The following TDRD9 variants were observed in gnomAD, a reference collection of about 807,000 sequenced individuals.
TDRD9 encodes the protein ATP-dependent RNA helicase TDRD9.
TDRD9 carries 124 observed loss-of-function variants against 172.6 expected under a neutral mutation model. That is an observed-to-expected ratio of 0.72 (90% CI 0.62 to 0.83). The LOEUF is 0.83. Among genes scored for constraint, TDRD9 ranks in the 40% least tolerant of loss-of-function variants. TDRD9 has a pLI of 0.00. For missense variants in TDRD9, 1,479 were observed against 1,714.1 expected (o/e 0.86, Z 2.42); for synonymous variants, 619 against 617.1 (o/e 1.00, Z -0.05).
At chr14:103,971,604 G>A (rs1049747138) in intron 6 of TDRD9, among the ~76,000 whole-genome samples, 2 of 151,998 alleles carry the variant, frequency 1.3e-5, no homozygotes, top group African/African-American at 4.8e-5. Flanking sequence ...GCACTTGGCC[G>A]GGCTGACTGT....
At chr14:103,975,596 T>A in intron 7 of TDRD9, 43 bp downstream of exon 7, 1 of 1,536,584 alleles carries the variant, frequency 6.5e-7, no homozygotes. Flanking sequence ...AGCGTACTCT[T>A]GTATTGGATC....
At position 104,014,452 on chromosome 14, in the gene TDRD9, T is replaced by C. The variant is rs534754565; in HGVS notation, c.2107-273T>C. 1.5e-4 allele frequency among the ~76,000 whole-genome samples: 23 copies of C among 152,000 alleles called. No individual in the cohort carries two copies. In the South Asian group the frequency reaches 4.8e-3, roughly 32 times the overall value. On this transcript the variant is annotated intron_variant, in intron 20 of 35. Transcript: ENST00000409874. ...GCGCCACCACGCCCAGCTAACTTTGTATTTTTTTTGTAGAGACTGGGTTTC... is the reference window on the plus strand; with the variant it reads ...GCGCCACCACGCCCAGCTAACTTTGCATTTTTTTTGTAGAGACTGGGTTTC...
intron 26 of TDRD9, 124 bp from the exon 27 acceptor site, chr14:104,025,923 T>A: frequency 1.0e-6 from 1 of 970,484 alleles, no homozygotes; most frequent in Non-Finnish European, 1.6e-6. Flanking sequence ...TATGTGGATT[T>A]AAGCTCAGGT....
At chr14:103,957,331 T>C (rs530447773) in intron 2 of TDRD9, among the ~76,000 whole-genome samples, 2 of 152,352 alleles carry the variant, frequency 1.3e-5, no homozygotes, top group Admixed American at 6.5e-5. Flanking sequence ...TCCTTGCTAT[T>C]TCATCAGCCC....
intron 7 of TDRD9, among the ~76,000 whole-genome samples, chr14:103,979,869 C>A (rs1301215197): frequency 1.3e-5 from 2 of 150,856 alleles, no homozygotes; most frequent in Admixed American, 6.7e-5. Context: ...TTTGCATTTT[C>A]TGACTCTTTT....
intron 5 of TDRD9, among the ~76,000 whole-genome samples, chr14:103,969,163 A>G (rs934381994): frequency 7.1e-6 from 1 of 140,716 alleles, no homozygotes; most frequent in South Asian, 2.2e-4. Flanking sequence ...CATTCATTCA[A>G]TAAACTTTTT....
rs1331412440 is a variant in TDRD9 at position 103,999,638 on chromosome 14, T to G, written c.1483+910T>G. On this transcript the variant is annotated intron_variant, in intron 13 of 35. Transcript: ENST00000409874. ...AAGTGGCTTTTTTTTTTGTTTGTTT[T>G]TTAGAAAACCTTTTGGGAAGGGTAG... Among the ~76,000 whole-genome samples, 186 of 127,110 alleles carry G rather than the reference T, an allele frequency of 1.5e-3. 1 individual carries two copies. The highest frequency in any genetic ancestry group is 4.1e-3 in the Middle Eastern group (1 of 242). The allele number at this position is 127,110 out of a possible 152,430, so 83.4% of individuals were successfully genotyped here.
In TDRD9 at chr14:103,952,236, T is replaced by A. The variant is rs1336108692; in HGVS notation, c.216-3428T>A. 1.6e-3 allele frequency among the ~76,000 whole-genome samples: 80 copies of A among 50,632 alleles called. 1 individual carries two copies. Among genetic ancestry groups the A allele is most frequent in the South Asian group, 6.3e-3 (8 of 1,268 alleles). The allele number at this position is 50,632 out of a possible 152,430, so 33.2% of individuals were successfully genotyped here. A position where few individuals can be genotyped will look rare whatever the true frequency, so the allele number is the denominator to read the frequency against. Reference sequence around the variant, plus strand: ...TATATATATATTTTTTTTTTTTTTTTTTTTTTTTTTTTTTTTTTTTTTGAG... The same window carrying A: ...TATATATATATTTTTTTTTTTTTTTATTTTTTTTTTTTTTTTTTTTTTGAG... On this transcript the variant is annotated intron_variant, in intron 1 of 35. Coordinates refer to ENST00000409874, the MANE Select transcript of TDRD9 (RefSeq NM_153046.3).
At chr14:103,935,926 A>C (rs1381816045) in intron 1 of TDRD9, among the ~76,000 whole-genome samples, 1 of 152,122 alleles carries the variant, frequency 6.6e-6, no homozygotes, top group Non-Finnish European at 1.5e-5. Flanking sequence ...ACATAGTAGG[A>C]ACTCAGATAT....
chr14:104,030,873 A>G (rs1306161145), intron 28 of TDRD9, among the ~76,000 whole-genome samples: 1 of 152,150 alleles, frequency 6.6e-6, no homozygotes, highest in Non-Finnish European at 1.5e-5. Flanking sequence ...GATATACCTA[A>G]TGCTAAATGA....
chr14:103,970,468 G>T, intron 5 of TDRD9, 73 bp from the exon 6 acceptor site: 1 of 1,074,740 alleles, frequency 9.3e-7, no homozygotes, highest in South Asian at 1.4e-5. Flanking sequence ...TCCCCCAGTG[G>T]TGCCTTTCTG....
chr14:104,042,039 A>G, intron 33 of TDRD9, 30 bp from the exon 34 acceptor site: 2 of 1,348,766 alleles, frequency 1.5e-6, no homozygotes, highest in South Asian at 2.4e-5. Context: ...ACGGAGCCTT[A>G]TGAGTGTTTA....
At chr14:103,992,500 A>C (rs554333712) in intron 9 of TDRD9, among the ~76,000 whole-genome samples, 1 of 152,222 alleles carries the variant, frequency 6.6e-6, no homozygotes, top group Non-Finnish European at 1.5e-5. Flanking sequence ...TTCTGTGTGC[A>C]TCATATTGTA....
rs1476885811 is a variant in TDRD9 at position 103,995,738 on chromosome 14, G to T, written c.1321-12G>T. 6 of 1,579,036 alleles carry T rather than the reference G, an allele frequency of 3.8e-6. No individual in the cohort carries two copies. The Admixed American group carries it at 5.9e-5, about 15-fold the overall frequency. ...AGTAGGAATGTCAGCTTTTTTCTTTGATGTTTAACAGATTATTCTGTCCAC... is the reference window on the plus strand; with the variant it reads ...AGTAGGAATGTCAGCTTTTTTCTTTTATGTTTAACAGATTATTCTGTCCAC... On this transcript the variant is annotated splice_polypyrimidine_tract_variant and intron_variant, in intron 11 of 35. Transcript: ENST00000409874.
Position 103,991,309 on chromosome 14 carries a change from G to A in TDRD9, c.1180+85G>A, listed in dbSNP as rs183442454. The stretch of plus-strand genomic sequence containing the variant: ...GTGCCTAACACAGATTATGAAAGAT[G>A]GTATTCTCCATAGGACTTTATTCTT... On this transcript the variant is annotated intron_variant, in intron 9 of 35. Transcript: ENST00000409874. 1,007 of 1,382,170 alleles carry A rather than the reference G, an allele frequency of 7.3e-4. 2 individuals carry two copies. The highest frequency in any genetic ancestry group is 9.6e-4 in the Non-Finnish European group (947 of 983,102). 85.6% of individuals were successfully genotyped at this position (1,382,170 alleles called of 1,614,324 possible). A position where few individuals can be genotyped will look rare whatever the true frequency, so the allele number is the denominator to read the frequency against.
intron 6 of TDRD9, among the ~76,000 whole-genome samples, chr14:103,971,656 A>G (rs188122148): frequency 3.0e-4 from 46 of 152,304 alleles, no homozygotes; most frequent in African/African-American, 1.1e-3. Flanking sequence ...CTTAAAATTC[A>G]TGATCATGTG....
intron 19 of TDRD9, among the ~76,000 whole-genome samples, chr14:104,007,712 G>A (rs1595979535): frequency 6.6e-6 from 1 of 150,710 alleles, no homozygotes; most frequent in South Asian, 2.1e-4. Context: ...CAGGTCTGCC[G>A]TTTCTGTGTG....
intron 9 of TDRD9, among the ~76,000 whole-genome samples, chr14:103,991,818 C>G (rs1176001453): frequency 6.6e-6 from 1 of 150,616 alleles, no homozygotes; most frequent in Non-Finnish European, 1.5e-5. Context: ...GGTACAGTGG[C>G]AAAATCTTAG....
In TDRD9 at chr14:104,035,036, C is replaced by T. The variant is rs368732282; in HGVS notation, c.3696C>T (p.Phe1232=). Residue 1232 remains phenylalanine (F), a synonymous_variant, in exon 32 of 36, where the codon TTC becomes TTT. Transcript: ENST00000409874. ...TCCCGGCTCTCCTCAGCATGTTATT[C>T]GCACCGGTGATAGAGTTAAGGTACG... ...PGLPALLSML[F]APVIELRIDQ... is the part of the protein sequence containing the mutation. The T allele has an allele frequency of 2.2e-5, 34 of 1,551,470 alleles. No individual in the cohort carries two copies. The highest frequency in any genetic ancestry group is 4.9e-5 in the East Asian group (2 of 40,918).
Sources: gnomAD v4.1 joint callset for allele counts (sites outside exome capture counted in the v4.1 genomes callset) on GRCh38, gnomAD v4.1.1 for gene constraint, MANE v1.5 for transcripts, NCBI Gene and HGNC (gene_info 2026-07-23, HGNC 2026-07-21) for gene names.